The following SRRM4 variants were observed in gnomAD, a reference collection of about 807,000 sequenced individuals.
SRRM4 encodes the protein serine/arginine repetitive matrix 4.
In SRRM4, 33 loss-of-function variants were observed where a neutral mutation model predicts 68.9. That is an observed-to-expected ratio of 0.48 (90% CI 0.36 to 0.64). The LOEUF (loss-of-function observed/expected upper bound fraction) is 0.64. Ranked by LOEUF, SRRM4 falls within the 30% of genes least tolerant of loss-of-function variation. SRRM4 has a pLI of 0.00. For synonymous variants in SRRM4, 318 were observed against 318.8 expected (o/e 1.00, Z 0.03); for missense variants, 817 against 827.1 (o/e 0.99, Z 0.15).
At chr12:119,108,004 A>G (rs914153127) in intron 2 of SRRM4, among the ~76,000 whole-genome samples, 40 of 152,224 alleles carry the variant, frequency 2.6e-4, no homozygotes, top group African/African-American at 8.9e-4. Flanking sequence ...CAGAGATTCC[A>G]GTATGTTGTG....
At chr12:119,009,977 T>G (rs746451790) in intron 1 of SRRM4, among the ~76,000 whole-genome samples, 9 of 152,190 alleles carry the variant, frequency 5.9e-5, no homozygotes, top group Non-Finnish European at 1.3e-4. Context: ...TCCCATAATA[T>G]TCCATAAGTG....
At chr12:119,149,384 T>C (rs1237546231) in intron 9 of SRRM4, among the ~76,000 whole-genome samples, 1 of 152,074 alleles carries the variant, frequency 6.6e-6, no homozygotes, top group Non-Finnish European at 1.5e-5. Context: ...CAGAAGGTTG[T>C]TGGGAATGAA....
intron 3 of SRRM4, among the ~76,000 whole-genome samples, chr12:119,116,285 T>C (rs1049745140): frequency 2.6e-5 from 4 of 152,198 alleles, no homozygotes; most frequent in African/African-American, 9.7e-5. Context: ...GCCTCAGTCT[T>C]GAGTCATCAC....
At chr12:119,041,386 T>C (rs902858556) in intron 1 of SRRM4, among the ~76,000 whole-genome samples, 1 of 152,226 alleles carries the variant, frequency 6.6e-6, no homozygotes, top group African/African-American at 2.4e-5. Flanking sequence ...TTGATTAATC[T>C]TACAGAGATA....
chr12:119,123,343 TCAAGAGA>T (rs1268918801), intron 6 of SRRM4, among the ~76,000 whole-genome samples: 1 of 151,998 alleles, frequency 6.6e-6, no homozygotes, highest in Non-Finnish European at 1.5e-5. Flanking sequence ...TCCGCTCAAG[TCAAGAGA>T]CAATTATTGG....
At chr12:119,043,354 A>G (rs1319587289) in intron 1 of SRRM4, among the ~76,000 whole-genome samples, 2 of 152,016 alleles carry the variant, frequency 1.3e-5, no homozygotes, top group African/African-American at 4.8e-5. Context: ...ACACCTGGAC[A>G]CAGGGAGGGG....
chr12:119,022,653 T>G (rs926683590), intron 1 of SRRM4, among the ~76,000 whole-genome samples: 5 of 152,236 alleles, frequency 3.3e-5, no homozygotes, highest in Non-Finnish European at 7.3e-5. Flanking sequence ...TGAAGTTTTG[T>G]CACATGGTCA....
At chr12:119,067,570 C>T (rs1434667752) in intron 1 of SRRM4, among the ~76,000 whole-genome samples, 1 of 152,024 alleles carries the variant, frequency 6.6e-6, no homozygotes, top group East Asian at 1.9e-4. Context: ...TAGCCAGGTA[C>T]AGTGGCGCGT....
Position 119,157,683 on chromosome 12 carries a change from A to T in SRRM4, c.*885A>T, listed in dbSNP as rs1954483028. 1.3e-5 allele frequency: 2 copies of T among 152,524 alleles called. No individual in the cohort carries two copies. Among genetic ancestry groups the T allele is most frequent in the African/African-American group, 4.8e-5 (2 of 41,460 alleles). The allele number at this position is 152,524 out of a possible 1,614,324, so 9.4% of individuals were successfully genotyped here. A position where few individuals can be genotyped will look rare whatever the true frequency, so the allele number is the denominator to read the frequency against. On this transcript the variant is annotated 3_prime_UTR_variant, in exon 13 of 13. Transcript: ENST00000267260. The surrounding 1 kb of genome is among the most constrained non-coding windows in gnomAD (Gnocchi z 4.1). ...CAGCCCCACTAGCTGGCACCAACTT[A>T]ATTCCACGGGACCATCTGCTGAACA...
chr12:119,109,742 GCTT>G (rs1270920035), intron 2 of SRRM4, among the ~76,000 whole-genome samples: 1 of 152,086 alleles, frequency 6.6e-6, no homozygotes, highest in African/African-American at 2.4e-5. Flanking sequence ...AAGGTTTTTA[GCTT>G]CTTTGCGATG....
chr12:119,121,055 C>T (rs1054394360), intron 5 of SRRM4, among the ~76,000 whole-genome samples: 5 of 152,152 alleles, frequency 3.3e-5, no homozygotes, highest in Non-Finnish European at 7.3e-5. Context: ...AGTAATGGCC[C>T]CATTTCACGG....
chr12:118,994,676 C>T (rs1953338235), intron 1 of SRRM4, among the ~76,000 whole-genome samples: 1 of 152,194 alleles, frequency 6.6e-6, no homozygotes, highest in Non-Finnish European at 1.5e-5. Flanking sequence ...TCTACTCCAC[C>T]ACCTAGTAGC....
intron 7 of SRRM4, among the ~76,000 whole-genome samples, chr12:119,128,245 A>C (rs1232058202): frequency 6.6e-6 from 1 of 152,180 alleles, no homozygotes; most frequent in Non-Finnish European, 1.5e-5. Flanking sequence ...GAACACCGCA[A>C]AACACAAAAG....
intron 6 of SRRM4, among the ~76,000 whole-genome samples, chr12:119,124,723 C>T (rs965015917): frequency 6.6e-6 from 1 of 151,958 alleles, no homozygotes; most frequent in Non-Finnish European, 1.5e-5. Context: ...TTTTTGACTC[C>T]ATGCTAAGAA....
At chr12:119,039,060 G>A (rs1489043039) in intron 1 of SRRM4, among the ~76,000 whole-genome samples, 4 of 152,196 alleles carry the variant, frequency 2.6e-5, no homozygotes, top group African/African-American at 4.8e-5. Context: ...ATCTGGGATG[G>A]GACTGGGTTC....
At chr12:119,040,561 G>T (rs900016205) in intron 1 of SRRM4, among the ~76,000 whole-genome samples, 2 of 152,106 alleles carry the variant, frequency 1.3e-5, no homozygotes. Flanking sequence ...GTATTCCATT[G>T]TGTATATATA....
chr12:118,991,983 G>A (rs536520997), intron 1 of SRRM4, among the ~76,000 whole-genome samples: 6 of 152,312 alleles, frequency 3.9e-5, no homozygotes, highest in African/African-American at 1.4e-4. Flanking sequence ...TGAGGGATAG[G>A]TTTGATAACG....
chr12:119,000,350 C>T (rs541022602), intron 1 of SRRM4, among the ~76,000 whole-genome samples: 1 of 152,222 alleles, frequency 6.6e-6, no homozygotes, highest in East Asian at 1.9e-4. Flanking sequence ...CTAAAATAAG[C>T]CTAGTCATCT....
rs745390148 is a variant in SRRM4 at position 118,981,900 on chromosome 12, A to C, written c.18A>C (p.Gln6His). Reference protein sequence around the residue: MASVQQGEKQLFEKFW... With the variant: MASVQHGEKQLFEKFW... ...GGTTGGCGATGGCGAGCGTTCAGCA[A>C]GGCGAGAAGCAGCTTTTTGAGAAGT... The change falls in exon 1 of 13, where the codon CAA (glutamine) becomes CAC (histidine). Residue 6 changes from glutamine (Q) to histidine (H), a missense_variant. Physicochemically the swap from Gln to His is conservative, Grantham distance 24 (BLOSUM62 0). Coordinates refer to ENST00000267260, the MANE Select transcript of SRRM4 (RefSeq NM_194286.4). The C allele has an allele frequency of 1.9e-6, 3 of 1,613,668 alleles. No homozygotes were observed. In the Admixed American group the frequency reaches 5.0e-5, roughly 27 times the overall value.
Sources: gnomAD v4.1 joint callset for allele counts (sites outside exome capture counted in the v4.1 genomes callset) on GRCh38, gnomAD v4.1.1 for gene constraint, Gnocchi (gnomAD v3.1) non-coding constraint, MANE v1.5 for transcripts, NCBI Gene and HGNC (gene_info 2026-07-23, HGNC 2026-07-21) for gene names.